The following IL7R variants were observed in gnomAD, a reference collection of about 807,000 sequenced individuals.
The protein encoded by IL7R is interleukin-7 receptor subunit alpha.
In IL7R, 38 loss-of-function variants were observed where a neutral mutation model predicts 47.0. The observed-to-expected ratio is 0.81, with a 90% CI of 0.62 to 1.06. IL7R has a LOEUF of 1.06. Ranked by LOEUF, IL7R falls within the 50% of genes least tolerant of loss-of-function variation. IL7R has a pLI of 0.00. For synonymous variants in IL7R, 221 were observed against 199.8 expected (o/e 1.11, Z -0.89); for missense variants, 633 against 534.8 (o/e 1.18, Z -1.81).
At chr5:35,859,101 G>A (rs756063606) in intron 1 of IL7R, among the ~76,000 whole-genome samples, 3 of 152,184 alleles carry the variant, frequency 2.0e-5, no homozygotes, top group Admixed American at 6.5e-5. Flanking sequence ...AAGCCAGTGA[G>A]CTGCTTCCTA....
At position 35,879,438 on chromosome 5, in the gene IL7R, G is replaced by T. The variant is rs963151138; in HGVS notation, c.*2952G>T. 5 of 232,696 alleles carry T rather than the reference G, an allele frequency of 2.1e-5. No individual in the cohort carries two copies. Among genetic ancestry groups the T allele is most frequent in the Non-Finnish European group, 3.4e-5 (4 of 117,796 alleles). The allele number at this position is 232,696 out of a possible 1,614,324, so 14.4% of individuals were successfully genotyped here. On this transcript the variant is annotated 3_prime_UTR_variant, in exon 8 of 8. Coordinates refer to ENST00000303115, the MANE Select transcript of IL7R (RefSeq NM_002185.5). ...ATTTTTGTCAGCTCTGTGGTTTATT[G>T]TTGGGACTATTCTTTAAAATATCCA... is the stretch of plus-strand genomic sequence containing the variant.
chr5:35,867,357 A>C lies in IL7R; in HGVS notation c.273A>C (p.Ile91=), dbSNP rs2149899132. Reference sequence around the variant, plus strand: ...TGAATTTCAGGAAACTACAAGAGATATATTTCATCGAGACAAAGAAATTCT... The same window carrying C: ...TGAATTTCAGGAAACTACAAGAGATCTATTTCATCGAGACAAAGAAATTCT... ...KCLNFRKLQE[I]YFIETKKFLL... is the part of the protein sequence containing the mutation. Residue 91 remains isoleucine (I), a synonymous_variant, in exon 3 of 8, where the codon ATA becomes ATC. Coordinates refer to ENST00000303115, the MANE Select transcript of IL7R (RefSeq NM_002185.5). 1 of 1,613,636 alleles carries C rather than the reference A, an allele frequency of 6.2e-7. No individual in the cohort carries two copies. The highest frequency in any genetic ancestry group is 8.5e-7 in the Non-Finnish European group (1 of 1,179,558).
Position 35,873,649 on chromosome 5 carries a change from G to T in IL7R, c.706+1G>T. On this transcript the variant is annotated splice_donor_variant, in intron 5 of 7. Transcript: ENST00000303115. LOFTEE classifies it high-confidence loss of function. ...ACTCCAGAGATCAATAATAGCTCAG[G>T]TAAGGAATGGTGGTAGAGTTTTTGT... 1 of 1,613,638 alleles carries T rather than the reference G, an allele frequency of 6.2e-7. No individual in the cohort carries two copies. The highest frequency in any genetic ancestry group is 8.5e-7 in the Non-Finnish European group (1 of 1,179,558).
At position 35,857,067 on chromosome 5, in the gene IL7R, A is replaced by G. The variant is rs182533042; in HGVS notation, c.82+8A>G. The G allele has an allele frequency of 1.6e-5, 25 of 1,542,116 alleles. No individual in the cohort carries two copies. The highest frequency in any genetic ancestry group is 2.1e-5 in the Non-Finnish European group (23 of 1,115,056). ...GTGGCTATGCTCAAAATGGTGAGTC[A>G]TTTCTAAGTTTTCTTATGGATTTTG... On this transcript the variant is annotated splice_region_variant and intron_variant, in intron 1 of 7. Coordinates refer to ENST00000303115, the MANE Select transcript of IL7R (RefSeq NM_002185.5).
chr5:35,874,568 G>T, intron 6 of IL7R, 26 bp downstream of exon 6: 1 of 1,488,476 alleles, frequency 6.7e-7, no homozygotes. Context: ...TAATAAAGAG[G>T]GTGATTGTGT....
intron 2 of IL7R, among the ~76,000 whole-genome samples, chr5:35,866,026 A>G (rs1759930109): frequency 6.6e-6 from 1 of 152,182 alleles, no homozygotes; most frequent in East Asian, 1.9e-4. Flanking sequence ...CAATTTCAGC[A>G]CTAAATATGA....
At position 35,870,935 on chromosome 5, in the gene IL7R, T is replaced by G. The variant is rs993979394; in HGVS notation, c.380-121T>G. On this transcript the variant is annotated intron_variant, in intron 3 of 7. Transcript: ENST00000303115. ...CAAGAAGAAGAAATGGTTTTCTGAA[T>G]AGTTGGCCATTTACTGACACAAAAA... is the stretch of plus-strand genomic sequence containing the variant. The G allele has an allele frequency of 8.6e-6, 7 of 816,014 alleles. No individual in the cohort carries two copies. The African/African-American group carries it at 1.0e-4, about 12-fold the overall frequency. 50.5% of individuals were successfully genotyped at this position (816,014 alleles called of 1,614,324 possible).
At chr5:35,866,618 G>A (rs1470800789) in intron 2 of IL7R, among the ~76,000 whole-genome samples, 2 of 151,848 alleles carry the variant, frequency 1.3e-5, no homozygotes, top group East Asian at 3.9e-4. Context: ...TTTCTATGTG[G>A]GTCAGATTTA....
At chr5:35,874,428 C>A (rs1211305208) in intron 5 of IL7R, 21 bp from the exon 6 acceptor site, 2 of 1,547,042 alleles carry the variant, frequency 1.3e-6, no homozygotes, top group South Asian at 1.1e-5. Flanking sequence ...ATGCTCACCA[C>A]AATCTATTCT....
Position 35,867,569 on chromosome 5 carries a change from G to T in IL7R, c.379+106G>T, listed in dbSNP as rs763058600. The T allele has an allele frequency of 3.5e-6, 3 of 862,750 alleles. No individual in the cohort carries two copies. The Admixed American group carries it at 5.4e-5, about 16-fold the overall frequency. 53.4% of individuals were successfully genotyped at this position (862,750 alleles called of 1,614,324 possible). A position where few individuals can be genotyped will look rare whatever the true frequency, so the allele number is the denominator to read the frequency against. Reference sequence around the variant, plus strand: ...AGTAGACAAATAGTGGAAACAACTGGCAATAGATAATAGCTAATTCCCTAC... The same window carrying T: ...AGTAGACAAATAGTGGAAACAACTGTCAATAGATAATAGCTAATTCCCTAC... On this transcript the variant is annotated intron_variant, in intron 3 of 7. Coordinates refer to ENST00000303115, the MANE Select transcript of IL7R (RefSeq NM_002185.5).
intron 1 of IL7R, among the ~76,000 whole-genome samples, chr5:35,858,386 A>C (rs898607990): frequency 6.6e-6 from 1 of 152,174 alleles, no homozygotes; most frequent in Non-Finnish European, 1.5e-5. Context: ...GAAGAAAGGG[A>C]TACTTTTTAA....
intron 2 of IL7R, among the ~76,000 whole-genome samples, chr5:35,863,341 A>G (rs6893142): frequency 0.71 from 108,531 of 152,036 alleles, 39,781 homozygotes; most frequent in African/African-American, 0.87. Context: ...ATTCTGTAAC[A>G]AAAGCTAGGG....
In IL7R at chr5:35,876,454, G is replaced by T. The variant is rs1329201977; in HGVS notation, c.1348G>T (p.Val450Phe). 6.2e-7 allele frequency: 1 copy of T among 1,605,650 alleles called. No individual in the cohort carries two copies. The highest frequency in any genetic ancestry group is 1.1e-5 in the South Asian group (1 of 91,084). The change falls in exon 8 of 8, where the codon GTC becomes TTC. Residue 450 changes from valine (V) to phenylalanine (F), a missense_variant. Val to Phe is a conservative substitution (Grantham distance 50). Transcript: ENST00000303115. ...SLGSNQEEAY[V>F]TMSSFYQNQ ...GGGATCAAATCAAGAAGAAGCATAT[G>T]TCACCATGTCCAGCTTCTACCAAAA...
intron 6 of IL7R, among the ~76,000 whole-genome samples, chr5:35,875,003 C>CA (rs373353928): frequency 1.5e-3 from 236 of 152,332 alleles, no homozygotes; most frequent in African/African-American, 4.6e-3. Flanking sequence ...CAGAAGGCTA[C>CA]ATATCCCCAG....
chr5:35,875,881 C>T, intron 7 of IL7R, 102 bp from the exon 8 acceptor site: 2 of 1,272,434 alleles, frequency 1.6e-6, no homozygotes, highest in Admixed American at 1.7e-5. Context: ...AATTCTGTGA[C>T]ATTCCCTGTC....
intron 7 of IL7R, 97 bp from the exon 8 acceptor site, chr5:35,875,886 C>T: frequency 7.6e-7 from 1 of 1,317,524 alleles, no homozygotes; most frequent in African/African-American, 1.4e-5. Context: ...TGTGACATTC[C>T]CTGTCAGAAA....
chr5:35,878,836 A>G lies in IL7R; in HGVS notation c.*2350A>G, dbSNP rs1404232132. On this transcript the variant is annotated 3_prime_UTR_variant, in exon 8 of 8. Coordinates refer to ENST00000303115, the MANE Select transcript of IL7R (RefSeq NM_002185.5). ...AATAGACAATCTCTTGAAGAAATGA[A>G]GAGATGACCATAGAAAAACATCGAG... 8.6e-6 allele frequency: 2 copies of G among 232,956 alleles called. No homozygotes were observed. Among genetic ancestry groups the G allele is most frequent in the Non-Finnish European group, 1.7e-5 (2 of 117,944 alleles). 14.4% of individuals were successfully genotyped at this position (232,956 alleles called of 1,614,324 possible).
In IL7R at chr5:35,875,595, T is replaced by G; in HGVS notation, c.876+8T>G. 3.1e-6 allele frequency: 5 copies of G among 1,598,166 alleles called. No individual in the cohort carries two copies. Among genetic ancestry groups the G allele is most frequent in the Admixed American group, 1.7e-5 (1 of 59,984 alleles). ...TGTAAGAAACCAAGAAAAGTGAGTG[T>G]TTTTGGTGCTTAAAAAGTGTTGTGT... On this transcript the variant is annotated splice_region_variant and intron_variant, in intron 7 of 7. Coordinates refer to ENST00000303115, the MANE Select transcript of IL7R (RefSeq NM_002185.5).
At chr5:35,857,338 A>C (rs1254455154) in intron 1 of IL7R, among the ~76,000 whole-genome samples, 1 of 152,100 alleles carries the variant, frequency 6.6e-6, no homozygotes. Flanking sequence ...CTCTTACAAA[A>C]AGAATGCTCA....
Sources: gnomAD v4.1 joint callset for allele counts (sites outside exome capture counted in the v4.1 genomes callset) on GRCh38, gnomAD v4.1.1 for gene constraint, MANE v1.5 for transcripts, NCBI Gene and HGNC (gene_info 2026-07-23, HGNC 2026-07-21) for gene names.